The following CACNA1A variants were observed in gnomAD, a reference collection of about 807,000 sequenced individuals.
The protein encoded by CACNA1A is voltage-dependent P/Q-type calcium channel subunit alpha-1A.
CACNA1A carries 57 observed loss-of-function variants against 262.4 expected under a neutral mutation model. The ratio of observed to expected loss-of-function variants is 0.22; its 90% confidence interval spans 0.18 to 0.27. CACNA1A has a LOEUF of 0.27. Among genes scored for constraint, CACNA1A ranks in the 10% least tolerant of loss-of-function variants. The pLI is 1.00. For missense variants in CACNA1A, 2,526 were observed against 3,562.8 expected, an observed-to-expected ratio of 0.71 and a Z score of 7.41; for synonymous variants, 1,431 against 1,419.3, an observed-to-expected ratio of 1.01 and a Z score of -0.18.
chr19:13,312,966 C>G (rs2058061289), intron 11 of CACNA1A, among the ~76,000 whole-genome samples, 185 bp from the exon 12 acceptor site: 1 of 152,114 alleles, frequency 6.6e-6, no homozygotes, highest in Non-Finnish European at 1.5e-5. Flanking sequence ...ATTTGGCCTC[C>G]AACATGCTAG....
At position 13,235,012 on chromosome 19, in the gene CACNA1A, C is replaced by T. The variant is rs537982877; in HGVS notation, c.5158G>A (p.Val1720Met). The change falls in exon 34 of 47, where the codon GTG becomes ATG. Residue 1720 changes from valine (V) to methionine (M), a missense_variant. Val to Met is a conservative substitution (Grantham distance 21, BLOSUM62 1). Transcript: ENST00000360228. ...TCTTCATCACTGTCCTCGTCCTCCA[C>T]GTCGATGCCAATGTTACCAAACACC... ...MQVFGNIGID[V>M]EDEDSDEDEF... The T allele has an allele frequency of 4.5e-5, 73 of 1,613,510 alleles. No homozygotes were observed. The Admixed American group carries it at 6.8e-4, about 15-fold the overall frequency.
At chr19:13,343,054 C>G (rs1334119203) in intron 6 of CACNA1A, among the ~76,000 whole-genome samples, 2 of 151,910 alleles carry the variant, frequency 1.3e-5, no homozygotes, top group African/African-American at 4.8e-5. Flanking sequence ...CACGCCCAGC[C>G]AGATTGATAC....
At chr19:13,318,280 G>A (rs2058167902) in intron 10 of CACNA1A, among the ~76,000 whole-genome samples, 1 of 152,136 alleles carries the variant, frequency 6.6e-6, no homozygotes, top group Admixed American at 6.6e-5. Context: ...GCAAATTTAA[G>A]GTCCTGAAGC....
intron 4 of CACNA1A, chr19:13,366,370 T>A (rs1169058741): frequency 6.6e-6 from 1 of 152,206 alleles, no homozygotes; most frequent in Non-Finnish European, 1.5e-5. Flanking sequence ...CTCTAGGGAC[T>A]GAGGCAGGAG....
At chr19:13,482,062 C>T (rs1329976914) in intron 1 of CACNA1A, among the ~76,000 whole-genome samples, 1 of 151,816 alleles carries the variant, frequency 6.6e-6, no homozygotes, top group African/African-American at 2.4e-5. Flanking sequence ...AAGATTTTCA[C>T]TTAAAGGGAA....
chr19:13,228,762 T>C (rs1206931696), intron 36 of CACNA1A: 1 of 1,600,956 alleles, frequency 6.2e-7, no homozygotes, highest in African/African-American at 1.4e-5. Flanking sequence ...TTACTCGTAA[T>C]AAACTGTACA....
At chr19:13,330,374 C>A in intron 9 of CACNA1A, 41 bp from the exon 10 acceptor site, 2 of 1,415,376 alleles carry the variant, frequency 1.4e-6, no homozygotes, top group South Asian at 1.2e-5. Flanking sequence ...AGACGTTACC[C>A]TTTTTGCAAC....
Position 13,285,134 on chromosome 19 carries a change from C to G in CACNA1A, c.3626G>C (p.Arg1209Pro). The G allele has an allele frequency of 1.9e-6, 3 of 1,613,950 alleles. No homozygotes were observed. The highest frequency in any genetic ancestry group is 4.5e-5 in the East Asian group (2 of 44,874). ...CATTGGCTTAGGGCCGTCTTCCCCA[C>G]GGTCGTCTTCCTCCTCCTCCTTCTT... is the stretch of plus-strand genomic sequence containing the variant. ...EEKKEEEEDDRGEDGPKPMPP... is the reference protein window; with the variant it reads ...EEKKEEEEDDPGEDGPKPMPP... The change falls in exon 21 of 47, where the codon CGT (arginine) becomes CCT (proline). Residue 1209 changes from arginine to proline, a missense_variant. Coordinates refer to ENST00000360228, the MANE Select transcript of CACNA1A (RefSeq NM_001127222.2).
intron 6 of CACNA1A, among the ~76,000 whole-genome samples, chr19:13,357,972 G>A (rs1017784781): frequency 8.6e-5 from 13 of 151,926 alleles, no homozygotes; most frequent in African/African-American, 2.2e-4. Flanking sequence ...ACACCACTGC[G>A]CTCCAGCCTG....
chr19:13,247,572 C>T lies in CACNA1A; in HGVS notation c.4867-2307G>A, dbSNP rs901158328. On this transcript the variant is annotated intron_variant, in intron 30 of 46. Coordinates refer to ENST00000360228, the MANE Select transcript of CACNA1A (RefSeq NM_001127222.2). ...AAAATCAGGCAGGCGTGGTGGTGCG[C>T]GCCTGTAGTCCCAGCTACTCCGGAG... Among the ~76,000 whole-genome samples the T allele has an allele frequency of 1.4e-4, 22 of 152,028 alleles. 1 individual carries two copies. The highest frequency in any genetic ancestry group is 1.6e-4 in the Non-Finnish European group (11 of 67,966).
In CACNA1A at chr19:13,298,598, G is replaced by A. The variant is rs573941336; in HGVS notation, c.3035C>T (p.Thr1012Met). Reference protein sequence around the residue: ...RRRHRHGAPATYEGDARREDK... With the variant: ...RRRHRHGAPAMYEGDARREDK... ...CTCCCTCCGCGCGTCCCCCTCGTAC[G>A]TGGCTGGAGCGCCATGCCGGTGCCT... Residue 1012 changes from threonine to methionine, a missense_variant, in exon 19 of 47, where the codon ACG becomes ATG. Around this residue, in one of 17 missense-constraint regions of CACNA1A, gnomAD observed 765 missense variants for 748.6 expected, o/e 1.02. Coordinates refer to ENST00000360228, the MANE Select transcript of CACNA1A (RefSeq NM_001127222.2). 3.2e-6 allele frequency: 5 copies of A among 1,540,248 alleles called. No individual in the cohort carries two copies. Among genetic ancestry groups the A allele is most frequent in the Non-Finnish European group, 2.6e-6 (3 of 1,141,776 alleles).
Position 13,241,401 on chromosome 19 carries a change from T to C in CACNA1A, c.4950+3781A>G. 1 of 721,142 alleles carries C rather than the reference T, an allele frequency of 1.4e-6. No individual in the cohort carries two copies. Among genetic ancestry groups the C allele is most frequent in the Non-Finnish European group, 2.5e-6 (1 of 403,544 alleles). 44.7% of individuals were successfully genotyped at this position (721,142 alleles called of 1,614,324 possible). On this transcript the variant is annotated intron_variant, in intron 31 of 46. Transcript: ENST00000360228. The surrounding 1 kb of genome is among the most constrained non-coding windows in gnomAD (Gnocchi z 4.0). ...AGACAGACAGAGGAGAGCGGAGGGT[T>C]GAGGAGAGCGTCAGGCATCCCACGT...
At chr19:13,398,925 G>A (rs1490458886) in intron 3 of CACNA1A, among the ~76,000 whole-genome samples, 2 of 152,204 alleles carry the variant, frequency 1.3e-5, no homozygotes, top group African/African-American at 4.8e-5. Context: ...CGAGGGGAGG[G>A]AGGCCAGGCT....
At chr19:13,473,252 C>CAAAA (rs749694968) in intron 1 of CACNA1A, among the ~76,000 whole-genome samples, 5 of 99,406 alleles carry the variant, frequency 5.0e-5, no homozygotes, top group African/African-American at 1.5e-4. Context: ...GAGGCCCTGA[C>CAAAA]AAAAAAAAAA....
Position 13,259,716 on chromosome 19 carries a change from G to A in CACNA1A, c.4251-15C>T. On this transcript the variant is annotated splice_polypyrimidine_tract_variant and intron_variant, in intron 26 of 46. Transcript: ENST00000360228. ...GGTATTTGCCTCTGCCACAGAGAGTGGGGACTGTTAGTAAATGGGAAAGAG... is the reference window on the plus strand; with the variant it reads ...GGTATTTGCCTCTGCCACAGAGAGTAGGGACTGTTAGTAAATGGGAAAGAG... The A allele has an allele frequency of 6.2e-7, 1 of 1,610,256 alleles. No individual in the cohort carries two copies.
At chr19:13,239,726 G>A (rs557564537) in intron 31 of CACNA1A, among the ~76,000 whole-genome samples, 1 of 152,176 alleles carries the variant, frequency 6.6e-6, no homozygotes, top group South Asian at 2.1e-4. Flanking sequence ...GAGGGAGAGA[G>A]ATGTGTGCAG....
At chr19:13,389,184 T>A (rs1258429852) in intron 3 of CACNA1A, among the ~76,000 whole-genome samples, 3 of 152,198 alleles carry the variant, frequency 2.0e-5, no homozygotes, top group African/African-American at 7.2e-5. Context: ...ATGACACGCA[T>A]GAGCCACCGT....
At chr19:13,314,551 C>G (rs910548221) in intron 11 of CACNA1A, among the ~76,000 whole-genome samples, 1 of 152,166 alleles carries the variant, frequency 6.6e-6, no homozygotes, top group African/African-American at 2.4e-5. Context: ...CCAGAGGATA[C>G]AGTGTTCAAG....
chr19:13,404,288 G>A (rs1258670103), intron 3 of CACNA1A, among the ~76,000 whole-genome samples: 5 of 152,186 alleles, frequency 3.3e-5, no homozygotes, highest in African/African-American at 1.2e-4. Flanking sequence ...GAGCTCAGGA[G>A]CGTGGAGCAG....
Sources: allele counts gnomAD v4.1 joint callset (sites outside exome capture counted in the v4.1 genomes callset), GRCh38; gene constraint gnomAD v4.1.1; regional missense constraint gnomAD v4.1.1; non-coding constraint Gnocchi (gnomAD v3.1); transcripts MANE v1.5; gene names NCBI Gene and HGNC (gene_info 2026-07-23, HGNC 2026-07-21).